Variants in NRG4 observed in about 807,000 individuals in gnomAD.
The protein encoded by NRG4 is neuregulin 4.
NRG4 carries 10 observed loss-of-function variants against 15.0 expected under a neutral mutation model. The ratio of observed to expected loss-of-function variants is 0.67; its 90% CI spans 0.41 to 1.13. NRG4 has a LOEUF of 1.13. Among genes scored for constraint, NRG4 ranks in the 50% most tolerant of loss-of-function variants. NRG4 has a pLI of 0.00. For synonymous variants in NRG4, 41 were observed against 50.1 expected (o/e 0.82, Z 0.77); for missense variants, 139 against 140.2 (o/e 0.99, Z 0.04).
At chr15:76,030,442 A>G (rs904196104) in intron 5 of NRG4, among the ~76,000 whole-genome samples, 5 of 152,176 alleles carry the variant, frequency 3.3e-5, no homozygotes, top group Non-Finnish European at 5.9e-5. Context: ...ATGCTTCTAC[A>G]GCCACCTGAT....
chr15:76,045,162 C>G (rs2035839750), intron 4 of NRG4, among the ~76,000 whole-genome samples: 1 of 150,952 alleles, frequency 6.6e-6, no homozygotes, highest in Admixed American at 6.6e-5. Context: ...AAAAGACATA[C>G]AAATGGCATA....
At chr15:75,956,320 G>A (rs1380786258) in intron 4 of NRG4, among the ~76,000 whole-genome samples, 1 of 152,092 alleles carries the variant, frequency 6.6e-6, no homozygotes, top group Non-Finnish European at 1.5e-5. Flanking sequence ...CAAACCTGTT[G>A]TATCTTAATG....
At chr15:75,994,478 T>C (rs891004434) in intron 3 of NRG4, among the ~76,000 whole-genome samples, 1 of 152,266 alleles carries the variant, frequency 6.6e-6, no homozygotes, top group Non-Finnish European at 1.5e-5. Context: ...CATTCCCTTC[T>C]TCTAGGTGTC....
At chr15:76,008,810 T>A (rs1359365582) in intron 3 of NRG4, among the ~76,000 whole-genome samples, 2 of 152,214 alleles carry the variant, frequency 1.3e-5, no homozygotes, top group Non-Finnish European at 2.9e-5. Flanking sequence ...TGTGTTTATG[T>A]ACTAAAAACT....
intron 3 of NRG4, among the ~76,000 whole-genome samples, chr15:75,994,723 A>G (rs1216265494): frequency 1.3e-5 from 2 of 152,258 alleles, no homozygotes; most frequent in African/African-American, 4.8e-5. Context: ...CTGAAGTACA[A>G]GAATGGTATA....
chr15:76,038,537 G>T (rs1259477607), intron 4 of NRG4, among the ~76,000 whole-genome samples: 2 of 152,226 alleles, frequency 1.3e-5, no homozygotes, highest in African/African-American at 4.8e-5. Context: ...CTGTGAAAAG[G>T]AGAGGGAAAA....
downstream of NRG4, chr15:75,936,003 G>A (rs1055895152): frequency 1.3e-5 from 2 of 152,078 alleles, no homozygotes; most frequent in African/African-American, 4.8e-5. Flanking sequence ...TAGCCAAGAT[G>A]GTCTCGATCT....
chr15:76,017,224 C>T (rs1048152762), upstream of NRG4, among the ~76,000 whole-genome samples: 3 of 120,866 alleles, frequency 2.5e-5, no homozygotes, highest in Admixed American at 1.0e-4. Flanking sequence ...TTATTTTGAG[C>T]GTGTGTTTCT....
chr15:76,052,465 G>A (rs2036044378), intron 3 of NRG4, among the ~76,000 whole-genome samples: 1 of 151,074 alleles, frequency 6.6e-6, no homozygotes, highest in African/African-American at 2.5e-5. Context: ...AGATCAGATG[G>A]TGGTGAGGAG....
At position 76,001,294 on chromosome 15, in the gene NRG4, GC is replaced by G. The variant is rs201840941; in HGVS notation, c.104+7905del. Among the ~76,000 whole-genome samples the G allele has an allele frequency of 9.0e-3, 1,374 of 151,902 alleles. 24 individuals carry two copies. The highest frequency in any genetic ancestry group is 0.031 in the African/African-American group (1,278 of 41,382). On this transcript the variant is annotated intron_variant, in intron 3 of 5. Transcript: ENST00000394907. ...CTACAGGCGTGAGCTACCATGCCTG[GC>G]CCCAATTTTTGTAGCCACATTGAAA... is the stretch of plus-strand genomic sequence containing the variant.
chr15:76,054,707 G>A (rs2036112299), intron 2 of NRG4, among the ~76,000 whole-genome samples: 1 of 151,982 alleles, frequency 6.6e-6, no homozygotes, highest in African/African-American at 2.4e-5. Flanking sequence ...TTATTTTTCA[G>A]TAATAATCAT....
intron 3 of NRG4, among the ~76,000 whole-genome samples, chr15:75,968,661 G>C (rs2032945952): frequency 6.6e-6 from 1 of 151,916 alleles, no homozygotes; most frequent in South Asian, 2.1e-4. Flanking sequence ...AGTTACTTGG[G>C]AGGTTGAGGT....
intron 1 of NRG4, among the ~76,000 whole-genome samples, chr15:76,059,366 G>T (rs1039067168): frequency 1.3e-5 from 2 of 152,306 alleles, no homozygotes; most frequent in African/African-American, 4.8e-5. Context: ...AGCGCAGCGG[G>T]CACTGCGTGC....
chr15:75,935,927 A>G (rs1278772070), downstream of NRG4: 1 of 151,982 alleles, frequency 6.6e-6, no homozygotes, highest in Admixed American at 6.6e-5. Context: ...AGCTGGGACT[A>G]CAGGCGCCCG....
chr15:75,987,117 A>C (rs2033826274), intron 3 of NRG4, among the ~76,000 whole-genome samples: 2 of 152,146 alleles, frequency 1.3e-5, no homozygotes. Flanking sequence ...CAACAGCAGG[A>C]AGTGAGCTAT....
intron 2 of NRG4, among the ~76,000 whole-genome samples, chr15:76,056,132 C>G (rs2036145056): frequency 6.6e-6 from 1 of 152,116 alleles, no homozygotes; most frequent in Admixed American, 6.6e-5. Flanking sequence ...CTAAAGTCAT[C>G]TCAACAGGAT....
intron 4 of NRG4, among the ~76,000 whole-genome samples, chr15:76,048,770 C>T (rs949122474): frequency 2.0e-5 from 3 of 150,558 alleles, no homozygotes; most frequent in Non-Finnish European, 2.9e-5. Context: ...AGGGGCCAGG[C>T]GTGGTGGTTC....
intron 5 of NRG4, among the ~76,000 whole-genome samples, chr15:76,018,493 C>A (rs929758947): frequency 3.3e-5 from 5 of 152,092 alleles, no homozygotes; most frequent in African/African-American, 1.2e-4. Context: ...GATGTTGTGA[C>A]CTTCGGATGG....
rs1308725295 is a variant in NRG4, at chr15:76,050,744, G to A, written c.-105+1323C>T. Among the ~76,000 whole-genome samples, 6 of 146,174 alleles carry A rather than the reference G, an allele frequency of 4.1e-5. 1 individual carries two copies. Among genetic ancestry groups the A allele is most frequent in the Admixed American group, 1.3e-4 (2 of 14,868 alleles). ...CAGGCGTAAGCCACCGTGCCCAGCC[G>A]AGCCTTCGTTTTTCTAAGCTCAGCA... is the stretch of plus-strand genomic sequence containing the variant. On this transcript the variant is annotated intron_variant, in intron 4 of 8. Coordinates refer to the NRG4 transcript ENST00000563910.
Sources: allele counts gnomAD v4.1 joint callset (sites outside exome capture counted in the v4.1 genomes callset), GRCh38; gene constraint gnomAD v4.1.1; transcripts MANE v1.5; gene names NCBI Gene and HGNC (gene_info 2026-07-23, HGNC 2026-07-21).